TAFA4: variants seen among roughly 807,000 people sequenced by gnomAD.
The protein encoded by TAFA4 is TAFA chemokine like family member 4.
In TAFA4, 20 loss-of-function variants were observed where a neutral mutation model predicts 21.1. The ratio of observed to expected loss-of-function variants is 0.95; its 90% CI spans 0.67 to 1.38. The LOEUF is 1.38. Among genes scored for constraint, TAFA4 ranks in the 40% most tolerant of loss-of-function variants. The pLI is 0.00. For synonymous variants in TAFA4, 71 were observed against 67.4 expected, an observed-to-expected ratio of 1.05 and a Z score of -0.26; for missense variants, 211 against 180.9, an observed-to-expected ratio of 1.17 and a Z score of -0.95.
At chr3:68,779,351 T>C (rs986529188) in intron 3 of TAFA4, among the ~76,000 whole-genome samples, 1 of 152,022 alleles carries the variant, frequency 6.6e-6, no homozygotes, top group East Asian at 1.9e-4. Context: ...GTTATAAAAA[T>C]TTGCATAAGT....
At position 68,926,576 on chromosome 3, in the gene TAFA4, A is replaced by C. The variant is rs970049601; in HGVS notation, c.-123+5664T>G. On this transcript the variant is annotated intron_variant, in intron 1 of 5. Coordinates refer to ENST00000295569, the MANE Select transcript of TAFA4 (RefSeq NM_182522.5). ...TCTGGACCTTAAAAGTTGCCATTAG[A>C]GCAGAGTTTCTCAACTGCAGCATTC... Among the ~76,000 whole-genome samples, 5 of 152,248 alleles carry C rather than the reference A, an allele frequency of 3.3e-5. No homozygotes were observed. In the East Asian group the frequency reaches 7.8e-4, roughly 24 times the overall value.
intron 3 of TAFA4, among the ~76,000 whole-genome samples, chr3:68,874,652 C>T (rs891975011): frequency 1.3e-5 from 2 of 152,128 alleles, no homozygotes; most frequent in African/African-American, 4.8e-5. Context: ...TCTTCAAAGA[C>T]AGTTGCCTGT....
intron 4 of TAFA4, among the ~76,000 whole-genome samples, chr3:68,743,421 C>A (rs1046935710): frequency 6.6e-6 from 1 of 151,836 alleles, no homozygotes; most frequent in African/African-American, 2.4e-5. Flanking sequence ...ACTAAAAATG[C>A]GAACATTCAC....
intron 3 of TAFA4, among the ~76,000 whole-genome samples, chr3:68,874,925 A>G (rs138137353): frequency 3.9e-5 from 6 of 152,340 alleles, no homozygotes; most frequent in Admixed American, 3.9e-4. Context: ...AACACTGCAT[A>G]TAATGTGTTC....
intron 1 of TAFA4, among the ~76,000 whole-genome samples, chr3:68,911,359 G>A (rs1388127011): frequency 6.6e-6 from 1 of 152,218 alleles, no homozygotes; most frequent in African/African-American, 2.4e-5. Flanking sequence ...TTTTCCAAGA[G>A]ATTTACATTC....
intron 3 of TAFA4, among the ~76,000 whole-genome samples, chr3:68,848,917 C>T (rs1267726670): frequency 7.0e-6 from 1 of 142,024 alleles, no homozygotes; most frequent in Non-Finnish European, 1.5e-5. Flanking sequence ...AATACTTCAC[C>T]AAGGAGAATG....
At chr3:68,834,925 G>A (rs1704486866) in intron 3 of TAFA4, among the ~76,000 whole-genome samples, 1 of 152,102 alleles carries the variant, frequency 6.6e-6, no homozygotes, top group South Asian at 2.1e-4. Flanking sequence ...CCTATGTAAA[G>A]TGTAGGTCAG....
chr3:68,883,368 A>T (rs553675574), intron 2 of TAFA4, among the ~76,000 whole-genome samples: 26 of 152,356 alleles, frequency 1.7e-4, no homozygotes, highest in Non-Finnish European at 2.8e-4. Flanking sequence ...GGAAAGGCTC[A>T]GTCCCCTTTT....
chr3:68,775,620 A>C (rs1948291), intron 3 of TAFA4, among the ~76,000 whole-genome samples: 5,408 of 152,266 alleles, frequency 0.036, 306 homozygotes, highest in East Asian at 0.25. Context: ...GGGTTTGCTC[A>C]AAGCTGAGGG....
At chr3:68,739,694 A>C (rs534116523) in intron 4 of TAFA4, among the ~76,000 whole-genome samples, 1 of 152,370 alleles carries the variant, frequency 6.6e-6, no homozygotes, top group Non-Finnish European at 1.5e-5. Context: ...ACTGAGCCAC[A>C]GAAGAGAATG....
At chr3:68,849,658 G>A (rs1704895917) in intron 3 of TAFA4, among the ~76,000 whole-genome samples, 1 of 152,184 alleles carries the variant, frequency 6.6e-6, no homozygotes, top group African/African-American at 2.4e-5. Context: ...AGGTCTGCCA[G>A]AATTCCCAAT....
intron 3 of TAFA4, among the ~76,000 whole-genome samples, chr3:68,867,433 G>C (rs968680274): frequency 6.6e-6 from 1 of 152,042 alleles, no homozygotes; most frequent in Non-Finnish European, 1.5e-5. Context: ...ATGCTAAATG[G>C]AGTTCTTCAA....
At chr3:68,739,314 G>A (rs1504300) in intron 4 of TAFA4, 115 bp from the exon 5 acceptor site, 32 of 1,267,946 alleles carry the variant, frequency 2.5e-5, no homozygotes, top group African/African-American at 6.0e-5. Flanking sequence ...TTAAATTTAC[G>A]GTTGGTAAAT....
intron 3 of TAFA4, among the ~76,000 whole-genome samples, chr3:68,760,483 C>G (rs1272374515): frequency 6.6e-6 from 1 of 152,154 alleles, no homozygotes; most frequent in Admixed American, 6.5e-5. Flanking sequence ...TTGCATCCTT[C>G]TCCTTTTGTT....
chr3:68,737,470 T>C (rs759858409), intron 5 of TAFA4, among the ~76,000 whole-genome samples: 2 of 152,150 alleles, frequency 1.3e-5, no homozygotes, highest in South Asian at 2.1e-4. Flanking sequence ...GTCATCTCAG[T>C]ATCACTAACA....
At chr3:68,906,643 A>G (rs2106995144) in intron 1 of TAFA4, among the ~76,000 whole-genome samples, 1 of 152,278 alleles carries the variant, frequency 6.6e-6, no homozygotes, top group South Asian at 2.1e-4. Context: ...AGTGTCAACC[A>G]GAGAGTGGAC....
At chr3:68,882,168 C>G (rs935457251) in intron 2 of TAFA4, among the ~76,000 whole-genome samples, 1 of 152,140 alleles carries the variant, frequency 6.6e-6, no homozygotes, top group Non-Finnish European at 1.5e-5. Context: ...TGGTTTTAAA[C>G]GGCTATGTTG....
chr3:68,814,508 T>G (rs1703917470), intron 3 of TAFA4, among the ~76,000 whole-genome samples: 2 of 147,412 alleles, frequency 1.4e-5, no homozygotes, highest in Non-Finnish European at 3.0e-5. Context: ...TCACAAGCAT[T>G]CTTATACACC....
intron 3 of TAFA4, among the ~76,000 whole-genome samples, chr3:68,872,203 T>TAA (rs767342013): frequency 3.3e-5 from 5 of 151,826 alleles, no homozygotes; most frequent in African/African-American, 4.9e-5. Context: ...TATATATATA[T>TAA]AATGGAATAT....
Sources: gnomAD v4.1 joint callset for allele counts (sites outside exome capture counted in the v4.1 genomes callset) on GRCh38, gnomAD v4.1.1 for gene constraint, MANE v1.5 for transcripts, NCBI Gene and HGNC (gene_info 2026-07-23, HGNC 2026-07-21) for gene names.